SYN3: variants seen among roughly 807,000 people sequenced by gnomAD.
SYN3 encodes the protein synapsin-3.
In SYN3, 35 loss-of-function variants were observed where a neutral mutation model predicts 65.8. That is an observed-to-expected ratio of 0.53 (90% CI 0.41 to 0.70). SYN3 has a LOEUF of 0.70. Ranked by LOEUF, SYN3 falls within the 30% of genes least tolerant of loss-of-function variation. SYN3 has a pLI of 0.00. For synonymous variants in SYN3, 270 were observed against 292.9 expected, an observed-to-expected ratio of 0.92 and a Z score of 0.80; for missense variants, 680 against 749.0, an observed-to-expected ratio of 0.91 and a Z score of 1.08.
At chr22:32,935,285 TTCTCTCTCTCTCTCTC>T (rs34290935) in intron 3 of SYN3, among the ~76,000 whole-genome samples, 2 of 144,704 alleles carry the variant, frequency 1.4e-5, no homozygotes, top group Non-Finnish European at 3.0e-5. Flanking sequence ...CTCTCTCTCT[TTCTCTCTCTCTCTCTC>T]TCTCTCTCAC....
At chr22:32,625,570 C>T (rs1416640134) in intron 6 of SYN3, among the ~76,000 whole-genome samples, 1 of 152,190 alleles carries the variant, frequency 6.6e-6, no homozygotes, top group African/African-American at 2.4e-5. Context: ...ACTTTAGCAT[C>T]CTTCTTCTTT....
At chr22:32,601,051 T>C (rs1384953051) in intron 6 of SYN3, among the ~76,000 whole-genome samples, 1 of 152,228 alleles carries the variant, frequency 6.6e-6, no homozygotes, top group Admixed American at 6.5e-5. Context: ...AATTGTATAT[T>C]TGAACGGCAT....
chr22:32,836,807 T>C (rs1010965763), intron 6 of SYN3, among the ~76,000 whole-genome samples: 7 of 152,188 alleles, frequency 4.6e-5, no homozygotes, highest in Non-Finnish European at 7.3e-5. Flanking sequence ...GCCTACACTA[T>C]TTTAAAAGCC....
chr22:32,586,468 A>AT (rs965830238), intron 7 of SYN3, among the ~76,000 whole-genome samples: 1 of 152,066 alleles, frequency 6.6e-6, no homozygotes, highest in Non-Finnish European at 1.5e-5. Flanking sequence ...TAACACATCT[A>AT]TTTTTTTCCA....
chr22:32,987,399 C>T (rs9619322), intron 2 of SYN3, among the ~76,000 whole-genome samples: 8,762 of 152,174 alleles, frequency 0.058, 813 homozygotes, highest in African/African-American at 0.2. Flanking sequence ...GACCTTGGAA[C>T]GCAAAGGGAC....
intron 6 of SYN3, among the ~76,000 whole-genome samples, chr22:32,682,426 G>T (rs916087714): frequency 9.2e-5 from 14 of 152,158 alleles, no homozygotes; most frequent in African/African-American, 3.1e-4. Context: ...ATAAGGATAA[G>T]GGCAAGGGAG....
rs547459411 is a variant in SYN3, at chr22:33,047,768, C to A, written c.-163+10524G>T. On this transcript the variant is annotated intron_variant, in intron 1 of 13. Coordinates refer to ENST00000358763, the MANE Select transcript of SYN3 (RefSeq NM_003490.4). ...AGGAGAATGAATACATGAGCATTTA[C>A]AGAACACCTGCTCTACAGGTTCCTG... is the stretch of plus-strand genomic sequence containing the variant. 3.4e-5 allele frequency among the ~76,000 whole-genome samples: 5 copies of A among 148,514 alleles called. No homozygotes were observed. The East Asian group carries it at 6.0e-4, about 18-fold the overall frequency.
At position 32,869,094 on chromosome 22, in the gene SYN3, G is replaced by A. The variant is rs371427469; in HGVS notation, c.493C>T (p.Arg165Cys). 1.1e-5 allele frequency: 18 copies of A among 1,613,590 alleles called. No homozygotes were observed. The highest frequency in any genetic ancestry group is 2.7e-5 in the African/African-American group (2 of 74,912). The change falls in exon 5 of 14, where the codon CGC (arginine) becomes TGC (cysteine). Residue 165 changes from arginine to cysteine, a missense_variant. Arg to Cys is a radical substitution (Grantham distance 180). Coordinates refer to ENST00000358763, the MANE Select transcript of SYN3 (RefSeq NM_003490.4). ...RSFKPDFILV[R>C]QHAYSMALGE... is the part of the protein sequence containing the mutation. ...AGGGCCATGCTGTAGGCATGCTGGC[G>A]GACCAGGATGAAGTCTGGCTTGAAG... is the stretch of plus-strand genomic sequence containing the variant.
At chr22:32,880,602 G>A (rs986051864) in intron 4 of SYN3, among the ~76,000 whole-genome samples, 4 of 152,182 alleles carry the variant, frequency 2.6e-5, no homozygotes, top group Non-Finnish European at 5.9e-5. Flanking sequence ...CCCAAGAAAT[G>A]GAGAAGGCCA....
intron 12 of SYN3, among the ~76,000 whole-genome samples, chr22:32,522,716 T>C (rs1436573707): frequency 6.6e-6 from 1 of 152,228 alleles, no homozygotes; most frequent in Non-Finnish European, 1.5e-5. Context: ...ACGCACTATC[T>C]CTGTGTCTGA....
chr22:32,572,243 C>CTCCTTCCTTCCTTCCTTCCTTCCTTCCG (rs796725900), intron 7 of SYN3, among the ~76,000 whole-genome samples: 1 of 112,242 alleles, frequency 8.9e-6, no homozygotes, highest in Non-Finnish European at 1.8e-5. Flanking sequence ...CAGATTCTGG[C>CTCCTTCCTTCCTTCCTTCCTTCCTTCCG]TCCTTCCTTC....
chr22:32,969,924 G>A (rs2051966834), intron 3 of SYN3, among the ~76,000 whole-genome samples: 2 of 152,164 alleles, frequency 1.3e-5, no homozygotes, highest in South Asian at 4.1e-4. Context: ...GAACATATGT[G>A]TAAATAATCA....
intron 2 of SYN3, among the ~76,000 whole-genome samples, chr22:32,982,650 T>C (rs1442189500): frequency 1.3e-5 from 2 of 152,220 alleles, no homozygotes; most frequent in East Asian, 3.8e-4. Flanking sequence ...CCACAGCTCC[T>C]TGAGGTCAGA....
intron 10 of SYN3, among the ~76,000 whole-genome samples, chr22:32,529,865 G>A (rs1285876050): frequency 6.6e-6 from 1 of 152,158 alleles, no homozygotes; most frequent in African/African-American, 2.4e-5. Context: ...CTGTTCCCAC[G>A]CTCTGGACAT....
chr22:32,786,584 G>A (rs995997928), intron 6 of SYN3, among the ~76,000 whole-genome samples: 8 of 151,354 alleles, frequency 5.3e-5, no homozygotes, highest in African/African-American at 1.2e-4. Context: ...GGATGGTCTC[G>A]ATCTCCTGAC....
At chr22:32,960,808 AAC>A (rs1402320817) in intron 3 of SYN3, among the ~76,000 whole-genome samples, 1 of 152,060 alleles carries the variant, frequency 6.6e-6, no homozygotes, top group Non-Finnish European at 1.5e-5. Flanking sequence ...GCATTTCTAG[AAC>A]TTCCTAGCTC....
At chr22:33,021,200 G>A (rs1278317802) in intron 1 of SYN3, among the ~76,000 whole-genome samples, 3 of 148,220 alleles carry the variant, frequency 2.0e-5, no homozygotes, top group African/African-American at 5.3e-5. Flanking sequence ...TCTAAGTCAC[G>A]GGTTCTTCAT....
intron 3 of SYN3, among the ~76,000 whole-genome samples, chr22:32,967,221 G>T (rs1037143684): frequency 6.6e-6 from 1 of 152,226 alleles, no homozygotes; most frequent in Non-Finnish European, 1.5e-5. Flanking sequence ...GGCACCGCCA[G>T]TGGAAACTCT....
rs59432094 is a variant in SYN3, at chr22:32,531,148, C to CAAAAAAAAA, written c.1096-2149_1096-2141dup. On this transcript the variant is annotated intron_variant, in intron 10 of 13. Coordinates refer to ENST00000358763, the MANE Select transcript of SYN3 (RefSeq NM_003490.4). The stretch of plus-strand genomic sequence containing the variant: ...CTGGCGACAGAATGAGACCCCGTCT[C>CAAAAAAAAA]AAAAAAAAAAAAAAAAAAAAAAAAA... 3.4e-4 allele frequency among the ~76,000 whole-genome samples: 9 copies of CAAAAAAAAA among 26,152 alleles called. 1 individual carries two copies. The highest frequency in any genetic ancestry group is 1.2e-3 in the African/African-American group (7 of 6,038). The allele number at this position is 26,152 out of a possible 152,430, so 17.2% of individuals were successfully genotyped here. A position where few individuals can be genotyped will look rare whatever the true frequency, so the allele number is the denominator to read the frequency against.
Sources: allele counts gnomAD v4.1 joint callset (sites outside exome capture counted in the v4.1 genomes callset), GRCh38; gene constraint gnomAD v4.1.1; transcripts MANE v1.5; gene names NCBI Gene and HGNC (gene_info 2026-07-23, HGNC 2026-07-21).